The following FNBP4 variants were observed in gnomAD, a reference collection of about 807,000 sequenced individuals.
FNBP4 encodes the protein formin-binding protein 4.
FNBP4 carries 34 observed loss-of-function variants against 119.3 expected under a neutral mutation model. The ratio of observed to expected loss-of-function variants is 0.28; its 90% CI spans 0.22 to 0.38. FNBP4 has a LOEUF of 0.38. Among genes scored for constraint, FNBP4 ranks in the 10% least tolerant of loss-of-function variants. The pLI, the probability that FNBP4 is intolerant of heterozygous loss-of-function variation, is 1.00. For missense variants in FNBP4, 1,112 were observed against 1,228.9 expected, an observed-to-expected ratio of 0.90 and a Z score of 1.42; for synonymous variants, 462 against 430.6, an observed-to-expected ratio of 1.07 and a Z score of -0.90.
intron 8 of FNBP4, among the ~76,000 whole-genome samples, chr11:47,741,757 A>C (rs574411965): frequency 6.8e-6 from 1 of 146,286 alleles, no homozygotes; most frequent in Non-Finnish European, 1.5e-5. Context: ...TGGAGGTTGC[A>C]GTGAGCTAAG....
Position 47,724,456 on chromosome 11 carries a change from G to C in FNBP4, c.2319+12C>G, listed in dbSNP as rs1223906625. The C allele has an allele frequency of 2.5e-6, 4 of 1,613,998 alleles. No individual in the cohort carries two copies. The highest frequency in any genetic ancestry group is 2.5e-6 in the Non-Finnish European group (3 of 1,180,012). On this transcript the variant is annotated intron_variant, in intron 13 of 16. Transcript: ENST00000263773. ...CTCAAAATCACTCAGAATGCCAAAG[G>C]GAATTACTTACCTGGCTAGTTACAA...
At chr11:47,735,450 A>G (rs749237775) in intron 9 of FNBP4, among the ~76,000 whole-genome samples, 11 of 152,198 alleles carry the variant, frequency 7.2e-5, no homozygotes, top group Non-Finnish European at 1.5e-4. Flanking sequence ...GCTAATACTT[A>G]TTTGGTCTAA....
rs944807584 is a variant in FNBP4 at position 47,732,228 on chromosome 11, C to T, written c.1820+309G>A. On this transcript the variant is annotated intron_variant, in intron 11 of 16. Coordinates refer to ENST00000263773, the MANE Select transcript of FNBP4 (RefSeq NM_015308.5). This position sits in a 1 kb window ranked among gnomAD's most constrained non-coding sequence, Gnocchi z 4.2. Reference sequence around the variant, plus strand: ...AGTTGCTTCCAGAGGTCCTGTAAAGCGCACAGAGCTCTCGCATGCGCTTAA... The same window carrying T: ...AGTTGCTTCCAGAGGTCCTGTAAAGTGCACAGAGCTCTCGCATGCGCTTAA... 2 of 1,122,638 alleles carry T rather than the reference C, an allele frequency of 1.8e-6. No individual in the cohort carries two copies. Among genetic ancestry groups the T allele is most frequent in the African/African-American group, 1.6e-5 (1 of 62,102 alleles). The allele number at this position is 1,122,638 out of a possible 1,614,324, so 69.5% of individuals were successfully genotyped here. A position where few individuals can be genotyped will look rare whatever the true frequency, so the allele number is the denominator to read the frequency against.
intron 2 of FNBP4, among the ~76,000 whole-genome samples, chr11:47,757,308 A>G (rs556925080): frequency 3.0e-4 from 45 of 152,110 alleles, no homozygotes; most frequent in African/African-American, 9.6e-4. Context: ...TCTGCCTCTC[A>G]GGTTCACGCC....
chr11:47,748,033 G>A (rs947698556), intron 6 of FNBP4, among the ~76,000 whole-genome samples: 1 of 151,854 alleles, frequency 6.6e-6, no homozygotes, highest in Non-Finnish European at 1.5e-5. Context: ...ACATGGTCAG[G>A]AGTTCGAGAT....
chr11:47,754,487 T>C, intron 3 of FNBP4, 41 bp downstream of exon 3: 1 of 1,602,020 alleles, frequency 6.2e-7, no homozygotes, highest in Non-Finnish European at 8.5e-7. Context: ...GGTCCCAAAG[T>C]AGCTTCAGTA....
intron 9 of FNBP4, among the ~76,000 whole-genome samples, chr11:47,734,385 A>G (rs1359006446): frequency 6.6e-6 from 1 of 152,160 alleles, no homozygotes; most frequent in African/African-American, 2.4e-5. Flanking sequence ...AAATTATTCA[A>G]AACAATTATT....
intron 12 of FNBP4, chr11:47,730,317 G>A: frequency 1.3e-6 from 1 of 773,652 alleles, no homozygotes; most frequent in Non-Finnish European, 1.6e-6. Flanking sequence ...TGTAACTTGA[G>A]AAAATGCACT....
At chr11:47,729,066 G>T in intron 12 of FNBP4, 1 of 615,552 alleles carries the variant, frequency 1.6e-6, no homozygotes, top group Admixed American at 6.3e-5. Flanking sequence ...TGCCCAGGCT[G>T]GTCTTGAACT....
chr11:47,765,452 G>A (rs1322587197), intron 1 of FNBP4, 90 bp from the exon 2 acceptor site: 2 of 953,442 alleles, frequency 2.1e-6, no homozygotes, highest in African/African-American at 1.7e-5. Flanking sequence ...GAAAACACTA[G>A]AGGTGACAAA....
intron 12 of FNBP4, among the ~76,000 whole-genome samples, chr11:47,727,845 T>C (rs1418114286): frequency 1.3e-5 from 2 of 152,204 alleles, no homozygotes; most frequent in African/African-American, 2.4e-5. Flanking sequence ...TAAGAGAATA[T>C]TTAAGTCTGA....
In FNBP4 at chr11:47,746,130, C is replaced by T. The variant is rs1276805186; in HGVS notation, c.1171G>A (p.Val391Ile). 16 of 1,614,030 alleles carry T rather than the reference C, an allele frequency of 9.9e-6. No homozygotes were observed. The highest frequency in any genetic ancestry group is 1.4e-5 in the Non-Finnish European group (16 of 1,179,984). ...TCCTCCTCACTTTCTCCAGATTGGA[C>T]AACACTGCAAAGATCCTCCTGAGAA... ...DPSQEDLCSV[V>I]QSGESEEEEE... The change falls in exon 7 of 17, where the codon GTC (valine) becomes ATC (isoleucine). Residue 391 changes from valine (V) to isoleucine (I), a missense_variant. Val to Ile is a conservative substitution (Grantham distance 29). Transcript: ENST00000263773.
chr11:47,724,095 T>C lies in FNBP4; in HGVS notation c.2397A>G (p.Ala799=), dbSNP rs1306708902. The change falls in exon 14 of 17, where the codon GCA becomes GCG. Residue 799 remains alanine (A), a synonymous_variant. Transcript: ENST00000263773. ...CAATGGTAGCTGACCTCTGAACCAC[T>C]GCAGTGCTAATTTCTGTAGCTTTCC... is the stretch of plus-strand genomic sequence containing the variant. ...IKRKATEIST[A]VVQRSATIGS... 1 of 1,614,188 alleles carries C rather than the reference T, an allele frequency of 6.2e-7. No individual in the cohort carries two copies. The highest frequency in any genetic ancestry group is 1.7e-5 in the Admixed American group (1 of 60,026).
Position 47,724,584 on chromosome 11 carries a change from C to T in FNBP4, c.2203G>A (p.Gly735Ser), listed in dbSNP as rs1327801623. ...PPPPPPPAED[G>S]EIQEVEMEDE... ...TCCATCTCTACCTCCTGGATCTCAC[C>T]ATCTTCCGCAGGAGGAGGTGGTGGA... Residue 735 changes from glycine (G) to serine (S), a missense_variant, in exon 13 of 17, where the codon GGT (glycine) becomes AGT (serine). By Grantham distance (56) the Gly-to-Ser change is moderately conservative (BLOSUM62 0). This residue lies in a region of FNBP4 where 826 missense variants were observed against 988.8 expected (regional missense o/e 0.84). Transcript: ENST00000263773. 1 of 1,614,078 alleles carries T rather than the reference C, an allele frequency of 6.2e-7. No individual in the cohort carries two copies. The highest frequency in any genetic ancestry group is 1.7e-5 in the Admixed American group (1 of 60,004).
At chr11:47,746,788 G>A (rs2097591202) in intron 6 of FNBP4, among the ~76,000 whole-genome samples, 1 of 152,148 alleles carries the variant, frequency 6.6e-6, no homozygotes, top group African/African-American at 2.4e-5. Context: ...TGGGATTACA[G>A]GTGTGAGCCA....
chr11:47,734,159 C>G, intron 9 of FNBP4, 30 bp from the exon 10 acceptor site: 1 of 1,257,730 alleles, frequency 8.0e-7, no homozygotes, highest in Non-Finnish European at 1.1e-6. Flanking sequence ...AAAAGTAAAA[C>G]TAGAATCCGT....
chr11:47,730,661 A>G (rs567189120), intron 12 of FNBP4, among the ~76,000 whole-genome samples: 1 of 152,370 alleles, frequency 6.6e-6, no homozygotes, highest in South Asian at 2.1e-4. Context: ...TTTAACAAAT[A>G]GCTACCAATT....
chr11:47,762,105 T>C (rs2097636299), intron 2 of FNBP4, among the ~76,000 whole-genome samples: 1 of 149,910 alleles, frequency 6.7e-6, no homozygotes, highest in Non-Finnish European at 1.5e-5. Context: ...CCCAAAGTGC[T>C]GGGATTAGAG....
intron 6 of FNBP4, among the ~76,000 whole-genome samples, chr11:47,750,210 C>T (rs551323250): frequency 6.6e-6 from 1 of 151,622 alleles, no homozygotes; most frequent in East Asian, 1.9e-4. Context: ...GAAACCCTGC[C>T]TCTAATAAAA....
Sources: allele counts gnomAD v4.1 joint callset (sites outside exome capture counted in the v4.1 genomes callset), GRCh38; gene constraint gnomAD v4.1.1; regional missense constraint gnomAD v4.1.1; non-coding constraint Gnocchi (gnomAD v3.1); transcripts MANE v1.5; gene names NCBI Gene and HGNC (gene_info 2026-07-23, HGNC 2026-07-21).